CDH13: variants seen among roughly 807,000 people sequenced by gnomAD.
The protein encoded by CDH13 is cadherin-13.
Under a neutral mutation model 63.8 loss-of-function variants are expected in CDH13, and 24 were observed. The ratio of observed to expected loss-of-function variants is 0.38; its 90% CI spans 0.27 to 0.53. The LOEUF (loss-of-function observed/expected upper bound fraction) is 0.53. Among genes scored for constraint, CDH13 ranks in the 20% least tolerant of loss-of-function variants. The pLI is 0.85. For synonymous variants in CDH13, 503 were observed against 355.3 expected (o/e 1.42, Z -4.67); for missense variants, 1,049 against 903.1 (o/e 1.16, Z -2.07).
At chr16:82,946,915 T>G (rs1904783932) in intron 2 of CDH13, among the ~76,000 whole-genome samples, 1 of 151,814 alleles carries the variant, frequency 6.6e-6, no homozygotes, top group African/African-American at 2.4e-5. Flanking sequence ...GCATATATAT[T>G]TATTAGAAAG....
At chr16:83,372,376 A>C (rs2091383260) in intron 6 of CDH13, among the ~76,000 whole-genome samples, 1 of 152,182 alleles carries the variant, frequency 6.6e-6, no homozygotes, top group Non-Finnish European at 1.5e-5. Flanking sequence ...TACTTGGCAT[A>C]AGGACGTTTT....
chr16:83,235,132 G>A (rs543421690), intron 5 of CDH13, among the ~76,000 whole-genome samples: 2 of 152,294 alleles, frequency 1.3e-5, no homozygotes, highest in South Asian at 2.1e-4. Flanking sequence ...TTGAGCCTGG[G>A]AGTTCAAGGC....
intron 2 of CDH13, among the ~76,000 whole-genome samples, chr16:82,939,855 A>G (rs774439598): frequency 6.6e-6 from 1 of 152,194 alleles, no homozygotes; most frequent in East Asian, 1.9e-4. Flanking sequence ...CTATAGGTAT[A>G]TTCGCACGTT....
chr16:83,356,218 G>A (rs1471556565), intron 6 of CDH13, among the ~76,000 whole-genome samples: 158 of 34,166 alleles, frequency 4.6e-3, no homozygotes, highest in African/African-American at 0.017. Context: ...TTTCATGTGT[G>A]TGTGTGTGTG....
chr16:83,123,349 G>A (rs989211070), intron 3 of CDH13, among the ~76,000 whole-genome samples: 7 of 151,516 alleles, frequency 4.6e-5, no homozygotes, highest in East Asian at 1.9e-4. Context: ...GCGCGATCTC[G>A]GCTCACTGCA....
At chr16:83,232,211 T>TG (rs1404300403) in intron 5 of CDH13, among the ~76,000 whole-genome samples, 3 of 98,262 alleles carry the variant, frequency 3.1e-5, no homozygotes, top group African/African-American at 1.0e-4. Context: ...AGTGTTTTCT[T>TG]TTTTTTTTTT....
chr16:83,458,548 C>T (rs975088953), intron 6 of CDH13, among the ~76,000 whole-genome samples: 5 of 152,274 alleles, frequency 3.3e-5, no homozygotes, highest in African/African-American at 9.6e-5. Flanking sequence ...CATCTCCCCC[C>T]ACTACAAAAA....
intron 8 of CDH13, among the ~76,000 whole-genome samples, chr16:83,634,158 T>C (rs1911044323): frequency 1.3e-5 from 2 of 150,866 alleles, no homozygotes; most frequent in South Asian, 4.2e-4. Flanking sequence ...TGTGTGTGTG[T>C]GTGGTCCTAC....
chr16:83,511,523 C>T (rs745732485), intron 7 of CDH13, among the ~76,000 whole-genome samples: 1 of 151,606 alleles, frequency 6.6e-6, no homozygotes, highest in Non-Finnish European at 1.5e-5. Context: ...GCACATACAC[C>T]TACACATACA....
intron 1 of CDH13, among the ~76,000 whole-genome samples, chr16:82,672,867 T>G (rs185512995): frequency 6.6e-6 from 1 of 151,658 alleles, no homozygotes; most frequent in East Asian, 1.9e-4. Context: ...CAGGCTGGAG[T>G]GCAGTGACAT....
intron 1 of CDH13, among the ~76,000 whole-genome samples, chr16:82,631,084 T>G (rs1907952971): frequency 2.6e-5 from 4 of 152,246 alleles, no homozygotes; most frequent in Admixed American, 2.6e-4. Context: ...CTTTCTTGCT[T>G]TCCTTCTTTT....
intron 4 of CDH13, among the ~76,000 whole-genome samples, chr16:83,178,351 G>A (rs1248015870): frequency 2.6e-5 from 4 of 152,098 alleles, no homozygotes; most frequent in Non-Finnish European, 5.9e-5. Flanking sequence ...AAACTCCCCC[G>A]CCGCACCCCA....
intron 4 of CDH13, among the ~76,000 whole-genome samples, chr16:83,212,024 G>C (rs911707934): frequency 1.3e-5 from 2 of 152,190 alleles, no homozygotes; most frequent in Admixed American, 6.5e-5. Flanking sequence ...AACAGCTGCT[G>C]CAACAGTCGA....
intron 3 of CDH13, among the ~76,000 whole-genome samples, chr16:83,097,815 T>C: frequency 6.6e-6 from 1 of 152,206 alleles, no homozygotes; most frequent in African/African-American, 2.4e-5. Context: ...GCTCCAATTT[T>C]AGAGAGCCTT....
intron 1 of CDH13, among the ~76,000 whole-genome samples, chr16:82,786,404 A>G (rs1043799262): frequency 6.6e-6 from 1 of 151,508 alleles, no homozygotes; most frequent in African/African-American, 2.4e-5. Context: ...CTTACTTGCA[A>G]TGATCCTTTG....
chr16:82,789,609 TG>T (rs1260860876), intron 1 of CDH13, among the ~76,000 whole-genome samples: 2 of 152,188 alleles, frequency 1.3e-5, no homozygotes, highest in Non-Finnish European at 2.9e-5. Context: ...GGAGGTCCAT[TG>T]GGCAGGACAC....
chr16:83,522,139 G>A (rs147555825), intron 7 of CDH13, among the ~76,000 whole-genome samples: 23 of 152,322 alleles, frequency 1.5e-4, no homozygotes, highest in African/African-American at 5.5e-4. Context: ...GGTGCTGTCT[G>A]TTTAGAGGAG....
chr16:83,156,221 T>A (rs1208915181), intron 4 of CDH13, among the ~76,000 whole-genome samples: 1 of 152,202 alleles, frequency 6.6e-6, no homozygotes, highest in Non-Finnish European at 1.5e-5. Context: ...CACACCATAA[T>A]GCATCAGCTC....
At chr16:82,658,533 G>T (rs556718739) in intron 1 of CDH13, among the ~76,000 whole-genome samples, 2 of 152,338 alleles carry the variant, frequency 1.3e-5, no homozygotes, top group South Asian at 4.1e-4. Flanking sequence ...GGCTGCCTGG[G>T]TATAAATTGC....
Sources: gnomAD v4.1 joint callset for allele counts (sites outside exome capture counted in the v4.1 genomes callset) on GRCh38, gnomAD v4.1.1 for gene constraint, MANE v1.5 for transcripts, NCBI Gene and HGNC (gene_info 2026-07-23, HGNC 2026-07-21) for gene names.